The following TDRD7 variants were observed in gnomAD, a reference collection of about 807,000 sequenced individuals.
TDRD7 encodes tudor domain containing 7, also known as tudor domain-containing protein 7.
In TDRD7, 47 loss-of-function variants were observed where a neutral mutation model predicts 109.8. The observed-to-expected ratio is 0.43, with a 90% confidence interval of 0.34 to 0.55. TDRD7 has a LOEUF of 0.55. Ranked by LOEUF, TDRD7 falls within the 20% of genes least tolerant of loss-of-function variation. The pLI, the probability that TDRD7 is intolerant of heterozygous loss-of-function variation, is 0.03. For missense variants in TDRD7, 1,164 were observed against 1,319.2 expected (o/e 0.88, Z 1.82); for synonymous variants, 424 against 457.3 (o/e 0.93, Z 0.93).
intron 16 of TDRD7, among the ~76,000 whole-genome samples, chr9:97,490,946 T>G (rs1311896889): frequency 2.7e-5 from 4 of 146,966 alleles, no homozygotes; most frequent in African/African-American, 1.0e-4. Flanking sequence ...GACAGAGTCT[T>G]GCTCTGTCAC....
At chr9:97,473,060 A>T (rs974175394) in intron 10 of TDRD7, among the ~76,000 whole-genome samples, 2 of 152,214 alleles carry the variant, frequency 1.3e-5, no homozygotes, top group African/African-American at 4.8e-5. Context: ...AAAATTACTC[A>T]AATTCATATG....
intron 1 of TDRD7, among the ~76,000 whole-genome samples, chr9:97,417,831 A>C (rs539307500): frequency 2.0e-4 from 31 of 152,336 alleles, no homozygotes; most frequent in African/African-American, 7.2e-4. Context: ...ATGTGCATTA[A>C]AAAGGGGGTG....
intron 3 of TDRD7, 114 bp downstream of exon 3, chr9:97,431,188 T>C (rs1270854751): frequency 2.7e-6 from 4 of 1,466,826 alleles, no homozygotes; most frequent in Non-Finnish European, 3.8e-6. Flanking sequence ...TTAACATACA[T>C]ATGTCAGGGG....
intron 16 of TDRD7, among the ~76,000 whole-genome samples, chr9:97,493,930 G>C (rs1279121702): frequency 6.6e-6 from 1 of 152,166 alleles, no homozygotes; most frequent in African/African-American, 2.4e-5. Flanking sequence ...CTGTTATCCT[G>C]TTCTTTTTTC....
At chr9:97,418,111 C>G (rs973916148) in intron 1 of TDRD7, among the ~76,000 whole-genome samples, 3 of 152,010 alleles carry the variant, frequency 2.0e-5, no homozygotes, top group African/African-American at 4.8e-5. Flanking sequence ...GGTGACAGAG[C>G]AAGACTCTAT....
At chr9:97,482,202 G>A (rs1829127586) in intron 14 of TDRD7, among the ~76,000 whole-genome samples, 3 of 152,276 alleles carry the variant, frequency 2.0e-5, no homozygotes, top group Admixed American at 2.0e-4. Flanking sequence ...GACAAAAAGT[G>A]TAAAACTAAT....
chr9:97,442,905 C>T (rs1372926059), intron 6 of TDRD7, among the ~76,000 whole-genome samples: 3 of 152,202 alleles, frequency 2.0e-5, no homozygotes, highest in Admixed American at 1.3e-4. Context: ...AGGTGGTTCT[C>T]CTGCCTCAGC....
intron 8 of TDRD7, among the ~76,000 whole-genome samples, chr9:97,466,451 TA>T (rs5899307): frequency 0.52 from 79,163 of 152,040 alleles, 20,713 homozygotes; most frequent in African/African-American, 0.56. Flanking sequence ...TACGAACACT[TA>T]ACCATATGAC....
chr9:97,426,235 T>C (rs1030355820), intron 1 of TDRD7, among the ~76,000 whole-genome samples: 1 of 152,194 alleles, frequency 6.6e-6, no homozygotes, highest in African/African-American at 2.4e-5. Flanking sequence ...CTAAATTTAT[T>C]AAAAGTTTTC....
At chr9:97,479,408 CT>C (rs960827782) in intron 13 of TDRD7, among the ~76,000 whole-genome samples, 1 of 152,126 alleles carries the variant, frequency 6.6e-6, no homozygotes, top group African/African-American at 2.4e-5. Context: ...AATAATACCT[CT>C]TGTTGGAACA....
intron 12 of TDRD7, among the ~76,000 whole-genome samples, chr9:97,477,467 G>A (rs1829042787): frequency 6.6e-6 from 1 of 152,080 alleles, no homozygotes; most frequent in Admixed American, 6.5e-5. Flanking sequence ...CACAATTTGA[G>A]TATCTTCATG....
At position 97,430,719 on chromosome 9, in the gene TDRD7, A is replaced by G. The variant is rs13301794; in HGVS notation, c.208-214A>G. On this transcript the variant is annotated intron_variant, in intron 2 of 16. Transcript: ENST00000355295. Reference sequence around the variant, plus strand: ...TAAAAATAAATGGAATTTTCAGTTTAGGAAAGATAATTCAATGTACTAGAC... The same window carrying G: ...TAAAAATAAATGGAATTTTCAGTTTGGGAAAGATAATTCAATGTACTAGAC... 0.52 allele frequency among the ~76,000 whole-genome samples: 79,205 copies of G among 152,026 alleles called. 20,924 individuals carry two copies. Among genetic ancestry groups the G allele is most frequent in the African/African-American group, 0.6 (24,888 of 41,446 alleles).
At chr9:97,418,128 G>C (rs1827840499) in intron 1 of TDRD7, among the ~76,000 whole-genome samples, 3 of 152,096 alleles carry the variant, frequency 2.0e-5, no homozygotes, top group Admixed American at 6.5e-5. Context: ...CTATCTGGGG[G>C]AAAAATAAAG....
At chr9:97,481,689 T>A (rs992602384) in intron 14 of TDRD7, among the ~76,000 whole-genome samples, 1 of 152,238 alleles carries the variant, frequency 6.6e-6, no homozygotes, top group Non-Finnish European at 1.5e-5. Flanking sequence ...TATTCCATAT[T>A]CTTCAGTTGT....
Position 97,487,349 on chromosome 9 carries a change from C to G in TDRD7, c.3076+17C>G. ...AACTTGCAGGTAATTTCTGTGGAAT[C>G]TGAACTCATGCTACAACAATGCAAT... On this transcript the variant is annotated intron_variant, in intron 16 of 16. Coordinates refer to ENST00000355295, the MANE Select transcript of TDRD7 (RefSeq NM_014290.3). 2.5e-6 allele frequency: 4 copies of G among 1,613,832 alleles called. No individual in the cohort carries two copies. The highest frequency in any genetic ancestry group is 2.2e-5 in the South Asian group (2 of 91,074).
rs1489047387 is a variant in TDRD7, at chr9:97,460,261, T to G, written c.939T>G (p.Thr313=). ...AGCTTTTGAGAAGTGAACTGGATACTGAGAAAGTACCTCTATCCCCACTAC... is the reference window on the plus strand; with the variant it reads ...AGCTTTTGAGAAGTGAACTGGATACGGAGAAAGTACCTCTATCCCCACTAC... ...RKQLLRSELD[T]EKVPLSPLPG... The change falls in exon 7 of 17, where the codon ACT becomes ACG. Residue 313 remains threonine, a synonymous_variant. Coordinates refer to ENST00000355295, the MANE Select transcript of TDRD7 (RefSeq NM_014290.3). 4 of 1,614,228 alleles carry G rather than the reference T, an allele frequency of 2.5e-6. No individual in the cohort carries two copies. Among genetic ancestry groups the G allele is most frequent in the Non-Finnish European group, 3.4e-6 (4 of 1,180,030 alleles).
chr9:97,464,714 T>G, intron 7 of TDRD7, 128 bp from the exon 8 acceptor site: 11 of 905,082 alleles, frequency 1.2e-5, no homozygotes, highest in Non-Finnish European at 2.0e-5. Context: ...TCCTCCCTGT[T>G]GATATAAGCA....
At chr9:97,438,259 G>C (rs958262178) in intron 4 of TDRD7, among the ~76,000 whole-genome samples, 29 of 151,980 alleles carry the variant, frequency 1.9e-4, no homozygotes, top group African/African-American at 6.5e-4. Flanking sequence ...AGTTTTTATT[G>C]GTAGCCTAGA....
Position 97,473,537 on chromosome 9 carries a change from G to C in TDRD7, c.1990G>C (p.Asp664His), listed in dbSNP as rs920032390. The C allele has an allele frequency of 6.2e-7, 1 of 1,613,822 alleles. No individual in the cohort carries two copies. Among genetic ancestry groups the C allele is most frequent in the Non-Finnish European group, 8.5e-7 (1 of 1,179,768 alleles). Residue 664 changes from aspartate to histidine, a missense_variant, in exon 11 of 17, where the codon GAT becomes CAT. Transcript: ENST00000355295. ...TGTCAAAGTAACTAATATTTGCTCTGATGGGACACTCTACTGCCAGGTGCC... is the reference window on the plus strand; with the variant it reads ...TGTCAAAGTAACTAATATTTGCTCTCATGGGACACTCTACTGCCAGGTGCC... Reference protein sequence around the residue: ...TNVKVTNICSDGTLYCQVPCK... With the variant: ...TNVKVTNICSHGTLYCQVPCK...
Sources: allele counts gnomAD v4.1 joint callset (sites outside exome capture counted in the v4.1 genomes callset), GRCh38; gene constraint gnomAD v4.1.1; transcripts MANE v1.5; gene names NCBI Gene and HGNC (gene_info 2026-07-23, HGNC 2026-07-21).